The following PSD3 variants were observed in gnomAD, a reference collection of about 807,000 sequenced individuals.
PSD3 encodes the protein PH and SEC7 domain-containing protein 3.
In PSD3, 49 loss-of-function variants were observed where a neutral mutation model predicts 105.5. The observed-to-expected ratio is 0.46, with a 90% CI of 0.37 to 0.59. The LOEUF is 0.59. Ranked by LOEUF, PSD3 falls within the 20% of genes least tolerant of loss-of-function variation. The pLI, the probability that PSD3 is intolerant of heterozygous loss-of-function variation, is 0.00. For synonymous variants in PSD3, 557 were observed against 457.8 expected (o/e 1.22, Z -2.77); for missense variants, 1,561 against 1,263.8 (o/e 1.24, Z -3.57).
chr8:18,873,232 TCTG>T (rs1248263886), intron 2 of PSD3, among the ~76,000 whole-genome samples: 1 of 152,204 alleles, frequency 6.6e-6, no homozygotes, highest in African/African-American at 2.4e-5. Context: ...ATATGTTTTT[TCTG>T]CCAGAAGTCT....
chr8:18,706,396 C>G (rs1408621216), intron 9 of PSD3, among the ~76,000 whole-genome samples: 1 of 152,018 alleles, frequency 6.6e-6, no homozygotes, highest in African/African-American at 2.4e-5. Flanking sequence ...TACACAAACA[C>G]ACATTGGTTA....
At chr8:19,029,560 G>C (rs1586646087) in intron 1 of PSD3, among the ~76,000 whole-genome samples, 1 of 152,120 alleles carries the variant, frequency 6.6e-6, no homozygotes, top group African/African-American at 2.4e-5. Flanking sequence ...CAGAGCAAAA[G>C]TGGGAAAAGC....
intron 1 of PSD3, among the ~76,000 whole-genome samples, chr8:18,963,430 G>T (rs1225564760): frequency 6.6e-6 from 1 of 152,100 alleles, no homozygotes; most frequent in Non-Finnish European, 1.5e-5. Context: ...GTGGACTATG[G>T]ATTCCCACTC....
At chr8:18,980,874 C>G (rs1368046868) in intron 1 of PSD3, among the ~76,000 whole-genome samples, 2 of 152,208 alleles carry the variant, frequency 1.3e-5, no homozygotes, top group African/African-American at 4.8e-5. Context: ...CACAGTGAAC[C>G]TCTTTCAGTT....
chr8:18,623,202 C>G (rs981544063), intron 11 of PSD3, among the ~76,000 whole-genome samples: 4 of 149,504 alleles, frequency 2.7e-5, no homozygotes, highest in Admixed American at 1.3e-4. Flanking sequence ...TCTGTCGCTA[C>G]GGATTTTTGT....
intron 4 of PSD3, among the ~76,000 whole-genome samples, chr8:18,839,353 C>A (rs900658977): frequency 2.0e-5 from 3 of 152,134 alleles, no homozygotes; most frequent in African/African-American, 7.2e-5. Context: ...TTTTCTTAAG[C>A]ATGAAACAGG....
At chr8:19,071,764 A>G (rs949848769) in intron 1 of PSD3, among the ~76,000 whole-genome samples, 23 of 152,058 alleles carry the variant, frequency 1.5e-4, no homozygotes, top group Non-Finnish European at 2.9e-5. Flanking sequence ...CTTGTTGCCC[A>G]GGCTGGAGTG....
At chr8:18,925,033 A>T (rs190780260) in intron 2 of PSD3, among the ~76,000 whole-genome samples, 179 of 152,312 alleles carry the variant, frequency 1.2e-3, no homozygotes, top group Middle Eastern at 3.4e-3. Flanking sequence ...AAGAAAGTGA[A>T]AACATAACGA....
chr8:18,975,525 C>T (rs897888710), intron 1 of PSD3, among the ~76,000 whole-genome samples: 26 of 152,044 alleles, frequency 1.7e-4, no homozygotes, highest in Non-Finnish European at 8.8e-5. Flanking sequence ...ACCCAAGTCC[C>T]TCATTCTTTA....
chr8:18,729,133 G>C (rs1365670763), intron 9 of PSD3, among the ~76,000 whole-genome samples: 2 of 152,138 alleles, frequency 1.3e-5, no homozygotes, highest in Admixed American at 6.6e-5. Context: ...TAACGCTAGA[G>C]ACTTCATCAA....
chr8:18,693,961 A>C (rs1055515876), intron 9 of PSD3, among the ~76,000 whole-genome samples: 7 of 152,318 alleles, frequency 4.6e-5, no homozygotes, highest in South Asian at 2.1e-4. Context: ...TCTGATAGGT[A>C]AGTAGTGATG....
chr8:18,920,032 CA>C (rs1290151216), intron 2 of PSD3, among the ~76,000 whole-genome samples: 2 of 135,294 alleles, frequency 1.5e-5, no homozygotes, highest in Non-Finnish European at 3.2e-5. Flanking sequence ...AAAAAAAAAA[CA>C]ATCACAAAAA....
chr8:18,791,517 G>A (rs191460743), intron 8 of PSD3, among the ~76,000 whole-genome samples: 2 of 152,182 alleles, frequency 1.3e-5, no homozygotes, highest in East Asian at 3.9e-4. Context: ...AGAAAAACTG[G>A]GTAGCCATAC....
At chr8:18,669,017 C>G (rs953480467) in intron 9 of PSD3, among the ~76,000 whole-genome samples, 1 of 152,174 alleles carries the variant, frequency 6.6e-6, no homozygotes, top group African/African-American at 2.4e-5. Flanking sequence ...TCACAGTGCA[C>G]ATGAATTGAT....
chr8:18,715,113 C>T (rs1802502124), intron 9 of PSD3, among the ~76,000 whole-genome samples: 3 of 152,140 alleles, frequency 2.0e-5, no homozygotes, highest in East Asian at 1.9e-4. Context: ...GGAAACAACA[C>T]ACACTGGGCC....
intron 9 of PSD3, among the ~76,000 whole-genome samples, chr8:18,675,194 T>C (rs1211043872): frequency 6.6e-6 from 1 of 152,100 alleles, no homozygotes; most frequent in African/African-American, 2.4e-5. Context: ...AAGAAAACTG[T>C]AATGAAAAAG....
intron 2 of PSD3, among the ~76,000 whole-genome samples, chr8:18,912,535 AAT>A (rs1820301012): frequency 6.6e-6 from 1 of 152,238 alleles, no homozygotes; most frequent in Non-Finnish European, 1.5e-5. Flanking sequence ...AGATATCTTT[AAT>A]TAGGTGAAAA....
chr8:18,832,421 G>A (rs771210876), intron 4 of PSD3, among the ~76,000 whole-genome samples: 23 of 151,846 alleles, frequency 1.5e-4, no homozygotes, highest in Non-Finnish European at 3.1e-4. Flanking sequence ...AAACTCAAAC[G>A]TTTTGGGCAC....
chr8:18,958,662 A>G (rs1823725364), intron 1 of PSD3, among the ~76,000 whole-genome samples: 1 of 152,208 alleles, frequency 6.6e-6, no homozygotes, highest in African/African-American at 2.4e-5. Context: ...AACTCAATCA[A>G]TATAATTTAC....
Sources: gnomAD v4.1 joint callset for allele counts (sites outside exome capture counted in the v4.1 genomes callset) on GRCh38, gnomAD v4.1.1 for gene constraint, MANE v1.5 for transcripts, NCBI Gene and HGNC (gene_info 2026-07-23, HGNC 2026-07-21) for gene names.